The following CFDP1 variants were observed in gnomAD, a reference collection of about 807,000 sequenced individuals.
CFDP1 encodes chromatin remodeling protein CFDP1.
In CFDP1, 31 loss-of-function variants were observed where a neutral mutation model predicts 40.1. That is an observed-to-expected ratio of 0.77 (90% CI 0.58 to 1.04). The LOEUF (loss-of-function observed/expected upper bound fraction) is 1.04. CFDP1 is among the 50% of genes least tolerant of loss of function. The pLI is 0.00. For missense variants in CFDP1, 423 were observed against 343.4 expected, an observed-to-expected ratio of 1.23 and a Z score of -1.83; for synonymous variants, 167 against 120.0, an observed-to-expected ratio of 1.39 and a Z score of -2.56.
At chr16:75,338,191 CAA>C (rs961215440) in intron 5 of CFDP1, among the ~76,000 whole-genome samples, 4 of 152,236 alleles carry the variant, frequency 2.6e-5, no homozygotes, top group Non-Finnish European at 5.9e-5. Context: ...TGATGGGTTA[CAA>C]AAGAGACATT....
intron 1 of CFDP1, among the ~76,000 whole-genome samples, chr16:75,417,216 A>G (rs1346870141): frequency 6.6e-6 from 1 of 152,190 alleles, no homozygotes; most frequent in Non-Finnish European, 1.5e-5. Flanking sequence ...AAAGAAACAC[A>G]AATGTATTTA....
At chr16:75,428,130 T>C (rs1285082882) in intron 1 of CFDP1, among the ~76,000 whole-genome samples, 1 of 118,016 alleles carries the variant, frequency 8.5e-6, no homozygotes, top group African/African-American at 2.7e-5. Context: ...AGGGGAAATT[T>C]GTTTTTTTTT....
At chr16:75,407,654 C>CAAAAAAAAA (rs11456525) in intron 4 of CFDP1, among the ~76,000 whole-genome samples, 2 of 116,790 alleles carry the variant, frequency 1.7e-5, no homozygotes. Flanking sequence ...GACCCTGTCT[C>CAAAAAAAAA]AAAAAAAAAA....
At chr16:75,401,912 C>A (rs1399355481) in intron 4 of CFDP1, among the ~76,000 whole-genome samples, 1 of 152,110 alleles carries the variant, frequency 6.6e-6, no homozygotes, top group African/African-American at 2.4e-5. Context: ...AACAGCCAAC[C>A]ATGAAAGCAA....
chr16:75,309,625 C>T (rs1388167726), intron 5 of CFDP1, among the ~76,000 whole-genome samples: 5 of 152,036 alleles, frequency 3.3e-5, no homozygotes, highest in Non-Finnish European at 5.9e-5. Context: ...TCGAGACCAT[C>T]CTGCCTAACA....
chr16:75,294,083 G>T, intron 6 of CFDP1, 41 bp from the exon 7 acceptor site: 1 of 1,480,340 alleles, frequency 6.8e-7, no homozygotes. Flanking sequence ...AATCCAGTAG[G>T]AAAAACTCCT....
chr16:75,339,861 A>G (rs1597341530), intron 5 of CFDP1, among the ~76,000 whole-genome samples: 1 of 152,240 alleles, frequency 6.6e-6, no homozygotes, highest in African/African-American at 2.4e-5. Context: ...ACTAATACCA[A>G]GGATCTTATA....
rs115221075 is a variant in CFDP1 at position 75,391,140 on chromosome 16, T to C, written c.650+3950A>G. 478 of 152,332 alleles carry C rather than the reference T, an allele frequency of 3.1e-3. 2 individuals are homozygous for C. Among genetic ancestry groups the C allele is most frequent in the African/African-American group, 0.011 (465 of 41,574 alleles). The allele number at this position is 152,332 out of a possible 1,614,324, so 9.4% of individuals were successfully genotyped here. The stretch of plus-strand genomic sequence containing the variant: ...TCTTTAGTTATTTTCATAATTATAG[T>C]AGCAAAGAGTATTTTCTGAAACATA... On this transcript the variant is annotated intron_variant, in intron 5 of 6. Coordinates refer to ENST00000283882, the MANE Select transcript of CFDP1 (RefSeq NM_006324.3).
At chr16:75,358,277 A>G (rs2078659311) in intron 5 of CFDP1, among the ~76,000 whole-genome samples, 1 of 152,226 alleles carries the variant, frequency 6.6e-6, no homozygotes, top group African/African-American at 2.4e-5. Flanking sequence ...TGTAAGAAAC[A>G]CAGTATCTGT....
intron 5 of CFDP1, among the ~76,000 whole-genome samples, chr16:75,314,132 G>A (rs543420564): frequency 4.6e-5 from 7 of 152,072 alleles, no homozygotes; most frequent in East Asian, 3.9e-4. Context: ...TGATCCTCCC[G>A]CCTCAGCCTC....
chr16:75,332,221 T>C (rs892572938), intron 5 of CFDP1, among the ~76,000 whole-genome samples: 1 of 152,112 alleles, frequency 6.6e-6, no homozygotes. Context: ...TCCCAGCACT[T>C]TGGGAGGCCG....
At chr16:75,421,631 AAAACCCTAAACAAGC>A (rs1205764053) in intron 1 of CFDP1, among the ~76,000 whole-genome samples, 1 of 152,210 alleles carries the variant, frequency 6.6e-6, no homozygotes, top group East Asian at 1.9e-4. Flanking sequence ...CTTACATAAT[AAAACCCTAAACAAGC>A]ATACAAGGTG....
rs148697742 is a variant in CFDP1 at position 75,335,182 on chromosome 16, T to C, written c.651-30000A>G. ...CTCATAAATGTGGTAAGTTCCCCCC[T>C]GGTTGGGCTTCAAACGCCCTGAGGT... On this transcript the variant is annotated intron_variant, in intron 5 of 6. Transcript: ENST00000283882. Among the ~76,000 whole-genome samples, 1,159 of 152,320 alleles carry C rather than the reference T, an allele frequency of 7.6e-3. 6 individuals carry two copies. The highest frequency in any genetic ancestry group is 0.024 in the African/African-American group (1,004 of 41,572).
intron 5 of CFDP1, among the ~76,000 whole-genome samples, chr16:75,320,121 T>C (rs1460201722): frequency 6.6e-6 from 1 of 152,232 alleles, no homozygotes; most frequent in East Asian, 1.9e-4. Context: ...GTTTCTTTCC[T>C]TAATCTGCTA....
intron 1 of CFDP1, among the ~76,000 whole-genome samples, chr16:75,424,708 C>T (rs1292443679): frequency 2.0e-5 from 3 of 148,042 alleles, no homozygotes; most frequent in East Asian, 2.0e-4. Flanking sequence ...GACCCAAGAT[C>T]GTGCCACTGC....
intron 5 of CFDP1, among the ~76,000 whole-genome samples, chr16:75,353,472 C>A (rs1267832836): frequency 6.6e-6 from 1 of 152,086 alleles, no homozygotes; most frequent in East Asian, 1.9e-4. Flanking sequence ...TATAAATAGT[C>A]ATTAATGAGG....
chr16:75,314,427 C>G (rs564255772), intron 5 of CFDP1, among the ~76,000 whole-genome samples: 1 of 152,112 alleles, frequency 6.6e-6, no homozygotes, highest in Admixed American at 6.6e-5. Flanking sequence ...GACAAACCTA[C>G]GCAGACAGAA....
chr16:75,417,382 A>G (rs994567591), intron 1 of CFDP1, among the ~76,000 whole-genome samples: 2 of 152,236 alleles, frequency 1.3e-5, no homozygotes, highest in African/African-American at 4.8e-5. Context: ...ATGGAATACC[A>G]CAGTCATTAC....
chr16:75,379,652 T>A (rs2078836635), intron 5 of CFDP1, among the ~76,000 whole-genome samples: 1 of 152,018 alleles, frequency 6.6e-6, no homozygotes, highest in Admixed American at 6.6e-5. Flanking sequence ...ACATGAGGAA[T>A]CTTAGCAGAT....
Sources: gnomAD v4.1 joint callset for allele counts (sites outside exome capture counted in the v4.1 genomes callset) on GRCh38, gnomAD v4.1.1 for gene constraint, MANE v1.5 for transcripts, NCBI Gene and HGNC (gene_info 2026-07-23, HGNC 2026-07-21) for gene names.